Variants in NKAIN2 observed in about 807,000 individuals in gnomAD.
NKAIN2 encodes the protein sodium/potassium-transporting ATPase subunit beta-1-interacting protein 2.
A neutral mutation model predicts 32.6 loss-of-function variants in NKAIN2; 14 were observed. That is an observed-to-expected ratio of 0.43 (90% confidence interval 0.28 to 0.67). The LOEUF is 0.67. Ranked by LOEUF, NKAIN2 falls within the 30% of genes least tolerant of loss-of-function variation. The probability of loss-of-function intolerance (pLI) is 0.17; values close to 1 mark genes in which losing one functional copy is unlikely to be tolerated. For synonymous variants in NKAIN2, 80 were observed against 87.2 expected (o/e 0.92, Z 0.46); for missense variants, 198 against 258.3 (o/e 0.77, Z 1.60).
chr6:124,490,349 A>G (rs1217977771), intron 3 of NKAIN2: 1 of 439,494 alleles, frequency 2.3e-6, no homozygotes, highest in Non-Finnish European at 4.5e-6. Flanking sequence ...ATGGAATTAC[A>G]TGAATGTGGC....
intron 1 of NKAIN2, among the ~76,000 whole-genome samples, chr6:123,925,118 T>C (rs982883060): frequency 1.4e-4 from 21 of 152,208 alleles, no homozygotes; most frequent in Non-Finnish European, 2.8e-4. Flanking sequence ...TGGTTTCTAT[T>C]ATAGGTACTA....
intron 4 of NKAIN2, among the ~76,000 whole-genome samples, chr6:124,764,492 G>T (rs1398534301): frequency 6.6e-6 from 1 of 152,062 alleles, no homozygotes; most frequent in African/African-American, 2.4e-5. Flanking sequence ...ACTATCCTGA[G>T]AAGCAGCCCG....
intron 1 of NKAIN2, among the ~76,000 whole-genome samples, chr6:124,001,800 A>AATATGTATATATATATATATAT (rs1208005298): frequency 1.5e-5 from 2 of 135,142 alleles, no homozygotes; most frequent in African/African-American, 5.5e-5. Context: ...CTTAGTTCTA[A>AATATGTATATATATATATATAT]ATATATATAT....
At chr6:123,867,862 A>ATTTTTTTTTTT (rs1201240894) in intron 1 of NKAIN2, among the ~76,000 whole-genome samples, 2 of 129,198 alleles carry the variant, frequency 1.5e-5, no homozygotes, top group Non-Finnish European at 1.7e-5. Context: ...TACTGGGTTC[A>ATTTTTTTTTTT]TTTTTTTTTT....
At chr6:124,256,803 A>C (rs1035095962) in intron 1 of NKAIN2, among the ~76,000 whole-genome samples, 1 of 151,934 alleles carries the variant, frequency 6.6e-6, no homozygotes. Flanking sequence ...GTGTGTCAAC[A>C]GGATAGAGTT....
At chr6:124,227,142 ACCT>A (rs1169682939) in intron 1 of NKAIN2, among the ~76,000 whole-genome samples, 1 of 151,742 alleles carries the variant, frequency 6.6e-6, no homozygotes, top group East Asian at 1.9e-4. Context: ...CTGAACTCAA[ACCT>A]CCTTATTGAG....
At chr6:123,974,894 A>G (rs1778487583) in intron 1 of NKAIN2, among the ~76,000 whole-genome samples, 1 of 152,204 alleles carries the variant, frequency 6.6e-6, no homozygotes, top group Non-Finnish European at 1.5e-5. Context: ...GTCCTGCAGT[A>G]GGTGAGACAT....
chr6:124,092,101 T>C (rs1458850395), intron 1 of NKAIN2, among the ~76,000 whole-genome samples: 1 of 152,094 alleles, frequency 6.6e-6, no homozygotes, highest in Non-Finnish European at 1.5e-5. Context: ...CTCAAGTAAG[T>C]TATAGGCTTC....
chr6:124,245,189 T>C (rs1305694626), intron 1 of NKAIN2, among the ~76,000 whole-genome samples: 1 of 152,148 alleles, frequency 6.6e-6, no homozygotes, highest in Non-Finnish European at 1.5e-5. Context: ...CCATATCTCT[T>C]AAACCAGATA....
chr6:124,428,908 C>T (rs181964669), intron 3 of NKAIN2, among the ~76,000 whole-genome samples: 263 of 152,208 alleles, frequency 1.7e-3, no homozygotes, highest in African/African-American at 6.0e-3. Context: ...TTTAAATCAC[C>T]CAGCCCCTTG....
intron 3 of NKAIN2, among the ~76,000 whole-genome samples, chr6:124,491,282 C>T (rs191119112): frequency 3.3e-5 from 5 of 151,920 alleles, no homozygotes; most frequent in Admixed American, 2.0e-4. Context: ...AGTATGACTC[C>T]GAGAGCTTGA....
chr6:124,447,843 G>A (rs1775958000), intron 3 of NKAIN2, among the ~76,000 whole-genome samples: 1 of 152,048 alleles, frequency 6.6e-6, no homozygotes. Flanking sequence ...CTCACCCTGT[G>A]GCACATATTA....
chr6:124,236,489 C>T (rs1792770022), intron 1 of NKAIN2, among the ~76,000 whole-genome samples: 1 of 152,052 alleles, frequency 6.6e-6, no homozygotes, highest in Non-Finnish European at 1.5e-5. Flanking sequence ...GTATGGATAG[C>T]ACTGAATTTT....
chr6:124,582,081 G>A (rs527263108), intron 3 of NKAIN2, among the ~76,000 whole-genome samples: 3 of 147,020 alleles, frequency 2.0e-5, no homozygotes. Context: ...TGAAAAGTTG[G>A]TTTTTTTTTT....
At chr6:124,079,335 A>T (rs1783842252) in intron 1 of NKAIN2, among the ~76,000 whole-genome samples, 1 of 152,172 alleles carries the variant, frequency 6.6e-6, no homozygotes, top group African/African-American at 2.4e-5. Flanking sequence ...TAAAAAAGAG[A>T]AAAAACAGTC....
intron 1 of NKAIN2, among the ~76,000 whole-genome samples, chr6:123,912,332 G>T (rs1369669198): frequency 6.6e-6 from 1 of 151,776 alleles, no homozygotes; most frequent in East Asian, 1.9e-4. Context: ...TACATATTTT[G>T]TAATTTGTAT....
chr6:124,595,222 G>A (rs746959986), intron 3 of NKAIN2, among the ~76,000 whole-genome samples: 19 of 152,136 alleles, frequency 1.2e-4, no homozygotes, highest in Non-Finnish European at 2.1e-4. Flanking sequence ...TCCCATGATC[G>A]TTGCTCAGAT....
intron 3 of NKAIN2, among the ~76,000 whole-genome samples, chr6:124,632,722 T>C (rs574370859): frequency 6.6e-6 from 1 of 152,342 alleles, no homozygotes; most frequent in South Asian, 2.1e-4. Context: ...AAAAGTGTTT[T>C]ATTTAGACTT....
At chr6:124,731,960 A>G (rs565117974) in intron 4 of NKAIN2, among the ~76,000 whole-genome samples, 2 of 152,194 alleles carry the variant, frequency 1.3e-5, no homozygotes, top group South Asian at 2.1e-4. Context: ...CTAAATTAAT[A>G]TTGTTTTTAG....
Sources: gnomAD v4.1 joint callset for allele counts (sites outside exome capture counted in the v4.1 genomes callset) on GRCh38, gnomAD v4.1.1 for gene constraint, MANE v1.5 for transcripts, NCBI Gene and HGNC (gene_info 2026-07-23, HGNC 2026-07-21) for gene names.